C2CD5: variants seen among roughly 807,000 people sequenced by gnomAD.
C2CD5 encodes C2 calcium dependent domain containing 5, also known as C2 domain-containing protein 5.
Under a neutral mutation model 130.3 loss-of-function variants are expected in C2CD5, and 109 were observed. The observed-to-expected ratio is 0.84, with a 90% confidence interval of 0.72 to 0.98. The LOEUF is 0.98. Ranked by LOEUF, C2CD5 falls within the 50% of genes least tolerant of loss-of-function variation. The pLI, the probability that C2CD5 is intolerant of heterozygous loss-of-function variation, is 0.00. For synonymous variants in C2CD5, 454 were observed against 429.2 expected (o/e 1.06, Z -0.71); for missense variants, 996 against 1,261.8 (o/e 0.79, Z 3.19).
rs992660591 is a variant in C2CD5, at chr12:22,459,350, C to T, written c.2584+142G>A. 11 of 485,594 alleles carry T rather than the reference C, an allele frequency of 2.3e-5. No homozygotes were observed. The Admixed American group carries it at 4.0e-4, about 18-fold the overall frequency. 30.1% of individuals were successfully genotyped at this position (485,594 alleles called of 1,614,324 possible). A position where few individuals can be genotyped will look rare whatever the true frequency, so the allele number is the denominator to read the frequency against. ...ATTGATGCTTTTAAAAGAACATATT[C>T]TACCTACAAAAAAAAAAAAGCCAGA... is the stretch of plus-strand genomic sequence containing the variant. On this transcript the variant is annotated intron_variant, in intron 23 of 26. Transcript: ENST00000446597.
chr12:22,487,413 AAAG>A (rs1945686977), intron 12 of C2CD5, among the ~76,000 whole-genome samples: 1 of 152,268 alleles, frequency 6.6e-6, no homozygotes, highest in Non-Finnish European at 1.5e-5. Flanking sequence ...ACATTTCTCA[AAAG>A]AAGACATTTA....
chr12:22,467,113 GA>G (rs1455294191), intron 22 of C2CD5, among the ~76,000 whole-genome samples: 4 of 152,312 alleles, frequency 2.6e-5, no homozygotes, highest in Non-Finnish European at 5.9e-5. Flanking sequence ...TGGTTCAGAG[GA>G]GCAGAATTTA....
In C2CD5 at chr12:22,450,135, A is replaced by G. The variant is rs149667831; in HGVS notation, c.3025-244T>C. On this transcript the variant is annotated intron_variant, in intron 26 of 26. Transcript: ENST00000446597. ...CCGCTATTAGAGATATACAGTTAAA[A>G]TGACAACGAGACACCACTTCATATA... is the stretch of plus-strand genomic sequence containing the variant. 2.3e-3 allele frequency among the ~76,000 whole-genome samples: 348 copies of G among 152,246 alleles called. 1 individual carries two copies. The highest frequency in any genetic ancestry group is 7.9e-3 in the African/African-American group (328 of 41,554).
intron 13 of C2CD5, among the ~76,000 whole-genome samples, chr12:22,483,337 TGTTA>T (rs1475539739): frequency 1.3e-5 from 2 of 151,474 alleles, no homozygotes; most frequent in Non-Finnish European, 2.9e-5. Flanking sequence ...CAGAAGAAAA[TGTTA>T]GTCATTAAAA....
At chr12:22,468,359 C>T (rs952904387) in intron 22 of C2CD5, among the ~76,000 whole-genome samples, 1 of 152,092 alleles carries the variant, frequency 6.6e-6, no homozygotes, top group Non-Finnish European at 1.5e-5. Context: ...GCTAGGATCA[C>T]AGGTGCACAC....
chr12:22,455,838 C>T (rs367944697), intron 25 of C2CD5, among the ~76,000 whole-genome samples: 58 of 152,216 alleles, frequency 3.8e-4, no homozygotes, highest in African/African-American at 1.3e-3. Flanking sequence ...GCATGTGCCA[C>T]CATGCCCGGC....
chr12:22,530,111 T>TATATATATACAC (rs1301636778), intron 3 of C2CD5, among the ~76,000 whole-genome samples: 16 of 87,548 alleles, frequency 1.8e-4, no homozygotes, highest in Non-Finnish European at 2.8e-4. Flanking sequence ...TATATATATA[T>TATATATATACAC]ACACACACAC....
chr12:22,469,636 TC>T, intron 22 of C2CD5, 72 bp downstream of exon 22: 1 of 808,980 alleles, frequency 1.2e-6, no homozygotes, highest in Non-Finnish European at 1.9e-6. Flanking sequence ...TAGTAAGATT[TC>T]CTATAATGAA....
intron 2 of C2CD5, among the ~76,000 whole-genome samples, chr12:22,540,251 A>G (rs1375410677): frequency 1.3e-5 from 2 of 152,236 alleles, no homozygotes; most frequent in African/African-American, 4.8e-5. Context: ...TGGTTTTAAC[A>G]TAGGCGAGGC....
chr12:22,495,632 CTTTAT>C (rs766790514), intron 10 of C2CD5, among the ~76,000 whole-genome samples: 7 of 151,482 alleles, frequency 4.6e-5, no homozygotes, highest in Admixed American at 1.3e-4. Flanking sequence ...CACAAGCAGC[CTTTAT>C]TTTAACACAT....
rs565574663 is a variant in C2CD5, at chr12:22,467,281, C to T, written c.2533+2428G>A. 1.6e-4 allele frequency among the ~76,000 whole-genome samples: 24 copies of T among 152,166 alleles called. 1 individual carries two copies. The South Asian group carries it at 5.0e-3, about 32-fold the overall frequency. On this transcript the variant is annotated intron_variant, in intron 22 of 26. Transcript: ENST00000446597. ...ACCTCCCTGGGCTCAGGTGATTCTA[C>T]CACCCGGCTTCCTGAGTAGCTGGGA...
chr12:22,506,374 T>C (rs1948536934), intron 10 of C2CD5, among the ~76,000 whole-genome samples: 1 of 152,188 alleles, frequency 6.6e-6, no homozygotes, highest in Admixed American at 6.5e-5. Flanking sequence ...AAAAAGCTAC[T>C]GCTAATGAAA....
At chr12:22,490,751 C>A (rs1030018247) in intron 11 of C2CD5, among the ~76,000 whole-genome samples, 1 of 151,940 alleles carries the variant, frequency 6.6e-6, no homozygotes, top group African/African-American at 2.4e-5. Flanking sequence ...CATCATATAA[C>A]AGAAAACTGA....
At chr12:22,512,771 G>GCTTT in intron 9 of C2CD5, 1 of 829,952 alleles carries the variant, frequency 1.2e-6, no homozygotes, top group Non-Finnish European at 1.8e-6. Context: ...AACAAATATA[G>GCTTT]CTAAATCTCA....
chr12:22,479,358 G>A (rs1944368913), intron 14 of C2CD5, among the ~76,000 whole-genome samples: 1 of 151,858 alleles, frequency 6.6e-6, no homozygotes, highest in South Asian at 2.1e-4. Context: ...ACGGGCCTGA[G>A]TCACTGGGCC....
rs34893837 is a variant in C2CD5, at chr12:22,485,913, AT to A, written c.1359-1026del. On this transcript the variant is annotated intron_variant, in intron 12 of 26. Transcript: ENST00000446597. ...CCTTCTACTCTCCTACATTCTCCAA[AT>A]TTTTTTTTGATTCATTTTAAAAATT... Among the ~76,000 whole-genome samples, 6 of 151,332 alleles carry A rather than the reference AT, an allele frequency of 4.0e-5. No homozygotes were observed. The East Asian group carries it at 7.7e-4, about 19-fold the overall frequency.
At chr12:22,501,294 TTG>T (rs775392710) in intron 10 of C2CD5, among the ~76,000 whole-genome samples, 42 of 152,180 alleles carry the variant, frequency 2.8e-4, no homozygotes, top group Non-Finnish European at 5.0e-4. Context: ...ATGTTTTTCT[TTG>T]CCAAACCGTA....
chr12:22,504,009 G>A (rs995296097), intron 10 of C2CD5, among the ~76,000 whole-genome samples: 2 of 152,058 alleles, frequency 1.3e-5, no homozygotes, highest in African/African-American at 2.4e-5. Context: ...ACTCTAAACT[G>A]GGAGGAAAGG....
At chr12:22,486,462 C>T (rs1184505830) in intron 12 of C2CD5, among the ~76,000 whole-genome samples, 1 of 152,168 alleles carries the variant, frequency 6.6e-6, no homozygotes, top group Non-Finnish European at 1.5e-5. Flanking sequence ...TTTAAACCAA[C>T]TTCTTATAAG....
Sources: gnomAD v4.1 joint callset for allele counts (sites outside exome capture counted in the v4.1 genomes callset) on GRCh38, gnomAD v4.1.1 for gene constraint, MANE v1.5 for transcripts, NCBI Gene and HGNC (gene_info 2026-07-23, HGNC 2026-07-21) for gene names.